Variants in ZFAT observed in about 807,000 individuals in gnomAD.
The protein encoded by ZFAT is zinc finger protein ZFAT.
A neutral mutation model predicts 117.7 loss-of-function variants in ZFAT; 64 were observed. The observed-to-expected ratio is 0.54, with a 90% CI of 0.44 to 0.67. The LOEUF is 0.67. ZFAT is among the 30% of genes least tolerant of loss of function. The probability of loss-of-function intolerance (pLI) is 0.00; values close to 1 mark genes in which losing one functional copy is unlikely to be tolerated. For synonymous variants in ZFAT, 679 were observed against 615.0 expected (o/e 1.10, Z -1.54); for missense variants, 1,433 against 1,584.5 (o/e 0.90, Z 1.62).
chr8:134,581,906 C>T (rs1176922680), intron 10 of ZFAT, among the ~76,000 whole-genome samples: 1 of 152,132 alleles, frequency 6.6e-6, no homozygotes, highest in African/African-American at 2.4e-5. Flanking sequence ...CCCTTCTTAC[C>T]AGAGAACTGA....
In ZFAT at chr8:134,637,731, G is replaced by A; in HGVS notation, c.197-19C>T. On this transcript the variant is annotated intron_variant, in intron 2 of 15. Coordinates refer to ENST00000377838, the MANE Select transcript of ZFAT (RefSeq NM_020863.4). ...AAAAACTCTACAGAGGAAACAAGAG[G>A]GCACAATGGAATCACGTGAGACGGC... 1.9e-6 allele frequency: 3 copies of A among 1,606,988 alleles called. No individual in the cohort carries two copies. Among genetic ancestry groups the A allele is most frequent in the Non-Finnish European group, 2.6e-6 (3 of 1,174,760 alleles).
At chr8:134,771,079 C>T in the ZFAT span, among the ~76,000 whole-genome samples, 1 of 152,206 alleles carries the variant, frequency 6.6e-6, no homozygotes, top group Non-Finnish European at 1.5e-5. Context: ...TATTCTAATA[C>T]CCTGTTAAGT....
chr8:134,599,014 C>G (rs1827188237), intron 7 of ZFAT: 1 of 152,240 alleles, frequency 6.6e-6, no homozygotes, highest in African/African-American at 2.4e-5. Flanking sequence ...ATTGGCTTCA[C>G]TCCCTCCCGA....
At chr8:134,530,967 G>T (rs1278565494) in intron 12 of ZFAT, among the ~76,000 whole-genome samples, 1 of 152,098 alleles carries the variant, frequency 6.6e-6, no homozygotes, top group African/African-American at 2.4e-5. Context: ...TCTGCGGAGG[G>T]TCCTGGAACC....
chr8:134,647,233 T>G (rs1035877444), intron 2 of ZFAT, among the ~76,000 whole-genome samples: 1 of 152,116 alleles, frequency 6.6e-6, no homozygotes, highest in African/African-American at 2.4e-5. Context: ...TATAAATAAA[T>G]GTGATATATA....
chr8:134,777,445 TCACACGTA>T, the ZFAT span, among the ~76,000 whole-genome samples: 69 of 152,196 alleles, frequency 4.5e-4, no homozygotes, highest in Non-Finnish European at 5.6e-4. Context: ...GATAACTAAG[TCACACGTA>T]CCTTGGCCAA....
chr8:134,720,829 G>A, the ZFAT span, among the ~76,000 whole-genome samples: 2 of 152,214 alleles, frequency 1.3e-5, no homozygotes, highest in African/African-American at 4.8e-5. Context: ...GCCAAAGTGA[G>A]TAAAAATCAA....
chr8:134,613,567 C>G (rs952771730), intron 3 of ZFAT, among the ~76,000 whole-genome samples: 2 of 152,154 alleles, frequency 1.3e-5, no homozygotes, highest in African/African-American at 4.8e-5. Context: ...TTCCCCACGG[C>G]TGCTTTGGGG....
chr8:134,701,443 C>A (rs1053882268), intron 1 of ZFAT, among the ~76,000 whole-genome samples: 25 of 152,196 alleles, frequency 1.6e-4, no homozygotes, highest in African/African-American at 6.0e-4. Flanking sequence ...CAAGTTTTAG[C>A]TATTATGAAT....
At chr8:134,707,909 T>C (rs1193130185) in intron 1 of ZFAT, among the ~76,000 whole-genome samples, 1 of 152,246 alleles carries the variant, frequency 6.6e-6, no homozygotes, top group East Asian at 1.9e-4. Flanking sequence ...TTCACTGTTG[T>C]GCTATTCACA....
chr8:134,533,627 A>G (rs1185926336), intron 11 of ZFAT, among the ~76,000 whole-genome samples: 1 of 152,248 alleles, frequency 6.6e-6, no homozygotes, highest in Non-Finnish European at 1.5e-5. Context: ...AAGCACTGGC[A>G]TACACAAGTG....
At chr8:134,791,805 A>G in the ZFAT span, among the ~76,000 whole-genome samples, 1 of 152,246 alleles carries the variant, frequency 6.6e-6, no homozygotes, top group Non-Finnish European at 1.5e-5. Flanking sequence ...GCTAAAAGAT[A>G]GCCATGTTAC....
chr8:134,789,931 T>C, the ZFAT span, among the ~76,000 whole-genome samples: 2 of 152,186 alleles, frequency 1.3e-5, no homozygotes, highest in African/African-American at 2.4e-5. Context: ...CGCTTAAGTC[T>C]TGCTACCATC....
At chr8:134,669,990 C>T (rs1563748102) in intron 1 of ZFAT, among the ~76,000 whole-genome samples, 1 of 152,238 alleles carries the variant, frequency 6.6e-6, no homozygotes, top group East Asian at 1.9e-4. Flanking sequence ...CAACAAAGAT[C>T]AAAAGAGACA....
intron 15 of ZFAT, among the ~76,000 whole-genome samples, chr8:134,503,054 A>C (rs1463970250): frequency 6.6e-6 from 1 of 152,242 alleles, no homozygotes; most frequent in Non-Finnish European, 1.5e-5. Context: ...GAAATGCCTG[A>C]TGTGGACAGA....
chr8:134,759,692 C>G, the ZFAT span, among the ~76,000 whole-genome samples: 1 of 151,908 alleles, frequency 6.6e-6, no homozygotes, highest in African/African-American at 2.4e-5. Context: ...AAATAACTTC[C>G]CAGCTGGGCG....
rs763154194 is a variant in ZFAT, at chr8:134,610,509, T to G, written c.595A>C (p.Ile199Leu). The change falls in exon 4 of 16, where the codon ATC becomes CTC. Residue 199 changes from isoleucine to leucine, a missense_variant. Coordinates refer to ENST00000377838, the MANE Select transcript of ZFAT (RefSeq NM_020863.4). ...ARQLSGAKKP[I>L]ISVVLTAHEA... Reference sequence around the variant, plus strand: ...TGTGCAGTTAAAACCACACTTATGATGGGTTTCTTCGCCCCAGAAAGCTGT... The same window carrying G: ...TGTGCAGTTAAAACCACACTTATGAGGGGTTTCTTCGCCCCAGAAAGCTGT... 2 of 1,614,182 alleles carry G rather than the reference T, an allele frequency of 1.2e-6. No individual in the cohort carries two copies. Among genetic ancestry groups the G allele is most frequent in the Admixed American group, 1.7e-5 (1 of 60,024 alleles).
chr8:134,830,882 C>T, the ZFAT span, among the ~76,000 whole-genome samples: 1 of 152,178 alleles, frequency 6.6e-6, no homozygotes, highest in East Asian at 1.9e-4. Context: ...ATGGATAATT[C>T]ATTCTAACGT....
chr8:134,820,450 G>A, the ZFAT span, among the ~76,000 whole-genome samples: 1 of 152,198 alleles, frequency 6.6e-6, no homozygotes, highest in South Asian at 2.1e-4. Flanking sequence ...AGTGATGCCA[G>A]TATCATCGCT....
Sources: gnomAD v4.1 joint callset for allele counts (sites outside exome capture counted in the v4.1 genomes callset) on GRCh38, gnomAD v4.1.1 for gene constraint, MANE v1.5 for transcripts, NCBI Gene and HGNC (gene_info 2026-07-23, HGNC 2026-07-21) for gene names.